TRIM14: variants seen among roughly 807,000 people sequenced by gnomAD.
TRIM14 encodes the protein tripartite motif containing 14.
Under a neutral mutation model 44.5 loss-of-function variants are expected in TRIM14, and 28 were observed. The ratio of observed to expected loss-of-function variants is 0.63; its 90% CI spans 0.47 to 0.86. The LOEUF (loss-of-function observed/expected upper bound fraction) is 0.86, where lower values mean the gene tolerates loss of function less well. TRIM14 is among the 40% of genes least tolerant of loss of function. The pLI, the probability that TRIM14 is intolerant of heterozygous loss-of-function variation, is 0.00. For synonymous variants in TRIM14, 299 were observed against 269.2 expected, an observed-to-expected ratio of 1.11 and a Z score of -1.08; for missense variants, 607 against 611.1, an observed-to-expected ratio of 0.99 and a Z score of 0.07.
At chr9:98,104,465 C>G (rs1435835923) in intron 2 of TRIM14, among the ~76,000 whole-genome samples, 1 of 151,958 alleles carries the variant, frequency 6.6e-6, no homozygotes, top group Non-Finnish European at 1.5e-5. Context: ...AAAACAGCCA[C>G]CAGAAAACTT....
chr9:98,101,462 G>A (rs1266113495), intron 2 of TRIM14, among the ~76,000 whole-genome samples: 1 of 147,302 alleles, frequency 6.8e-6, no homozygotes, highest in East Asian at 2.0e-4. Flanking sequence ...TTTTGCTCTT[G>A]TCGCCTAGGC....
intron 3 of TRIM14, among the ~76,000 whole-genome samples, chr9:98,098,248 T>C (rs1158136403): frequency 6.6e-6 from 1 of 152,202 alleles, no homozygotes; most frequent in African/African-American, 2.4e-5. Context: ...CACAAAGTGT[T>C]TGCCATGAAG....
In TRIM14 at chr9:98,078,336, C is replaced by T. The variant is rs749291995; in HGVS notation, c.*29-8649G>A. 1.4e-5 allele frequency: 22 copies of T among 1,613,760 alleles called. No homozygotes were observed. The highest frequency in any genetic ancestry group is 1.2e-4 in the South Asian group (11 of 91,056). On this transcript the variant is annotated intron_variant, in intron 6 of 6. Transcript: ENST00000375098. ...GCTCCAGCCTGAGGACGTCAACCTG[C>T]GGGTCATCTCGGTGAGCAGGAGGGA...
At chr9:98,054,756 G>A in the TRIM14 span, among the ~76,000 whole-genome samples, 16 of 152,226 alleles carry the variant, frequency 1.1e-4, no homozygotes, top group Non-Finnish European at 1.8e-4. Flanking sequence ...CTAGGTGGCC[G>A]CTTGGGCTGG....
chr9:98,081,146 A>G (rs768948108), downstream of TRIM14: 45 of 1,594,886 alleles, frequency 2.8e-5, no homozygotes, highest in Middle Eastern at 1.0e-3. Context: ...GGCTGGCCTG[A>G]GAGGGATGGT....
At chr9:98,049,534 G>C in the TRIM14 span, among the ~76,000 whole-genome samples, 1 of 151,930 alleles carries the variant, frequency 6.6e-6, no homozygotes. Context: ...GACCATATGG[G>C]GTAACTTTCT....
At chr9:98,073,050 T>C (rs565214661) in intron 6 of TRIM14, among the ~76,000 whole-genome samples, 7 of 152,270 alleles carry the variant, frequency 4.6e-5, no homozygotes, top group African/African-American at 1.7e-4. Flanking sequence ...GAAAGTTCTA[T>C]TGAGAAGGCA....
Position 98,119,102 on chromosome 9 carries a change from G to T in TRIM14, c.87C>A (p.Asp29Glu), listed in dbSNP as rs751606156. Residue 29 changes from aspartate to glutamate, a missense_variant, in exon 1 of 6, where the codon GAC becomes GAA. Physicochemically the swap from Asp to Glu is conservative, Grantham distance 45 (BLOSUM62 2). Around this residue, in one of 3 missense-constraint regions of TRIM14, gnomAD observed 246 missense variants for 270.8 expected, o/e 0.91. Coordinates refer to ENST00000341469, the MANE Select transcript of TRIM14 (RefSeq NM_014788.4). Reference protein sequence around the residue: ...GCGWRCPEHGDRVAELFCRRC... With the variant: ...GCGWRCPEHGERVAELFCRRC... ...GGCGACAGAAGAGCTCAGCCACGCG[G>T]TCGCCATGCTCCGGGCAGCGCCAGC... is the stretch of plus-strand genomic sequence containing the variant. The T allele has an allele frequency of 6.3e-7, 1 of 1,587,104 alleles. No homozygotes were observed. Among genetic ancestry groups the T allele is most frequent in the Middle Eastern group, 2.0e-4 (1 of 5,096 alleles).
chr9:98,076,139 G>C (rs1829580230), intron 6 of TRIM14: 1 of 152,144 alleles, frequency 6.6e-6, no homozygotes. Flanking sequence ...GCCAGCCATG[G>C]ATCCTTATGT....
At chr9:98,056,987 C>A in the TRIM14 span, 1 of 1,514,176 alleles carries the variant, frequency 6.6e-7, no homozygotes, top group South Asian at 1.3e-5. Context: ...CCGGGAGGGG[C>A]GGGGCGGGGC....
At chr9:98,105,464 A>G (rs533534241) in intron 2 of TRIM14, among the ~76,000 whole-genome samples, 7 of 152,350 alleles carry the variant, frequency 4.6e-5, no homozygotes, top group South Asian at 2.1e-4. Context: ...CTGCAGTCCC[A>G]GCAATTCGGG....
the TRIM14 span, among the ~76,000 whole-genome samples, chr9:98,052,408 A>G: frequency 6.6e-6 from 1 of 151,932 alleles, no homozygotes; most frequent in Non-Finnish European, 1.5e-5. Flanking sequence ...GAAAACAAAC[A>G]TAAAGGCTTT....
downstream of TRIM14, among the ~76,000 whole-genome samples, chr9:98,065,184 G>T (rs574552319): frequency 6.6e-6 from 1 of 152,162 alleles, no homozygotes; most frequent in South Asian, 2.1e-4. Flanking sequence ...CACAGCCCAG[G>T]AGAGTTTCTG....
the TRIM14 span, among the ~76,000 whole-genome samples, chr9:98,035,993 G>A: frequency 4.6e-5 from 7 of 151,416 alleles, no homozygotes; most frequent in African/African-American, 9.7e-5. Context: ...GGTGGATTAC[G>A]AGGTCAGGAA....
intron 5 of TRIM14, among the ~76,000 whole-genome samples, chr9:98,090,859 C>T (rs974831631): frequency 1.3e-5 from 2 of 152,242 alleles, no homozygotes; most frequent in South Asian, 2.1e-4. Context: ...CCACCGTGCT[C>T]GGCCTTTAAA....
chr9:98,052,457 A>G, the TRIM14 span, among the ~76,000 whole-genome samples: 1 of 152,054 alleles, frequency 6.6e-6, no homozygotes. Context: ...CTTTTTATTA[A>G]GCTGATTTTA....
At position 98,100,154 on chromosome 9, in the gene TRIM14, T is replaced by C. The variant is rs1174631634; in HGVS notation, c.314A>G (p.Glu105Gly). Reference protein sequence around the residue: ...DATEKLKANAESSKTWLKGKF... With the variant: ...DATEKLKANAGSSKTWLKGKF... ...CCCCTTCAGCCAGGTTTTACTTGAC[T>C]CTGCATTAGCCTAAAAACAGAAAAA... The change falls in exon 3 of 6, where the codon GAG becomes GGG. Residue 105 changes from glutamate (E) to glycine (G), a missense_variant. Physicochemically the swap from Glu to Gly is moderately conservative, Grantham distance 98 (BLOSUM62 -2). Around this residue, in one of 3 missense-constraint regions of TRIM14, gnomAD observed 246 missense variants for 270.8 expected, o/e 0.91. Coordinates refer to ENST00000341469, the MANE Select transcript of TRIM14 (RefSeq NM_014788.4). The C allele has an allele frequency of 6.2e-7, 1 of 1,614,036 alleles. No individual in the cohort carries two copies. The highest frequency in any genetic ancestry group is 1.3e-5 in the African/African-American group (1 of 74,934).
chr9:98,051,317 C>G, the TRIM14 span, among the ~76,000 whole-genome samples: 1 of 152,206 alleles, frequency 6.6e-6, no homozygotes, highest in African/African-American at 2.4e-5. Context: ...AGAGTCTACT[C>G]GCTTAACTAA....
chr9:98,036,751 C>A, the TRIM14 span, among the ~76,000 whole-genome samples: 2 of 152,204 alleles, frequency 1.3e-5, no homozygotes, highest in African/African-American at 4.8e-5. Flanking sequence ...TTACGGTGAG[C>A]CCAGATCGCA....
Sources: gnomAD v4.1 joint callset for allele counts (sites outside exome capture counted in the v4.1 genomes callset) on GRCh38, gnomAD v4.1.1 for gene constraint, gnomAD v4.1.1 regional missense constraint, MANE v1.5 for transcripts, NCBI Gene and HGNC (gene_info 2026-07-23, HGNC 2026-07-21) for gene names.